The following PDZK1 variants were observed in gnomAD, a reference collection of about 807,000 sequenced individuals.
The protein encoded by PDZK1 is PDZ domain containing 1.
PDZK1 carries 23 observed loss-of-function variants against 38.1 expected under a neutral mutation model. The observed-to-expected ratio is 0.60, with a 90% CI of 0.43 to 0.85. PDZK1 has a LOEUF of 0.85. PDZK1 is among the 40% of genes least tolerant of loss of function. PDZK1 has a pLI of 0.00. For synonymous variants in PDZK1, 98 were observed against 186.2 expected (o/e 0.53, Z 3.86); for missense variants, 297 against 504.3 (o/e 0.59, Z 3.94).
chr1:145,692,320 C>T (rs916713929), intron 1 of PDZK1, among the ~76,000 whole-genome samples: 1 of 152,206 alleles, frequency 6.6e-6, no homozygotes, highest in African/African-American at 2.4e-5. Flanking sequence ...GCACCACCCT[C>T]ACCAACTCCT....
At chr1:145,690,164 CAG>C (rs1165275727) in intron 1 of PDZK1, among the ~76,000 whole-genome samples, 9 of 152,164 alleles carry the variant, frequency 5.9e-5, no homozygotes, top group Non-Finnish European at 1.3e-4. Flanking sequence ...ATGGCATCAC[CAG>C]AGTTGAGTCA....
In PDZK1 at chr1:145,684,207, C is replaced by CTT. The variant is rs1162290584; in HGVS notation, c.461-1573_461-1572dup. 2.3e-3 allele frequency among the ~76,000 whole-genome samples: 279 copies of CTT among 120,044 alleles called. 1 individual carries two copies. The highest frequency in any genetic ancestry group is 5.0e-3 in the Middle Eastern group (1 of 200). 78.8% of individuals were successfully genotyped at this position (120,044 alleles called of 152,430 possible). On this transcript the variant is annotated intron_variant, in intron 3 of 8. Coordinates refer to ENST00000417171, the MANE Select transcript of PDZK1 (RefSeq NM_001201325.2). ...AGCATCACTATCCTTGCATTTTTGG[C>CTT]TTTTTTTTTTTTTTTTTTTGAGACG...
chr1:145,676,207 A>G (rs141380762), intron 6 of PDZK1: 1,317 of 982,398 alleles, frequency 1.3e-3, no homozygotes, highest in Admixed American at 2.1e-3. Flanking sequence ...TTTTCGATCA[A>G]AGTTCTCTAT....
At chr1:145,705,399 A>T (rs1656190549) in intron 1 of PDZK1, among the ~76,000 whole-genome samples, 1 of 152,014 alleles carries the variant, frequency 6.6e-6, no homozygotes, top group South Asian at 2.1e-4. Context: ...CCCAAATGAG[A>T]TGATTTCTGA....
intron 3 of PDZK1, among the ~76,000 whole-genome samples, chr1:145,684,582 G>A (rs1364879316): frequency 6.6e-6 from 1 of 152,116 alleles, no homozygotes; most frequent in Non-Finnish European, 1.5e-5. Context: ...GATACCAAGA[G>A]CATATAATGA....
At position 145,673,690 on chromosome 1, in the gene PDZK1, C is replaced by T. The variant is rs373202412; in HGVS notation, c.1182G>A (p.Ala394=). The T allele has an allele frequency of 3.7e-6, 6 of 1,607,374 alleles. No homozygotes were observed. The Admixed American group carries it at 5.0e-5, about 13-fold the overall frequency. The stretch of plus-strand genomic sequence containing the variant: ...TGAATGAGCCTGGCAGACCCCGAAT[C>T]GCATTTAAGTGAAAGCCATAGCCAT... ...GENGYGFHLN[A]IRGLPGSFIK... The change falls in exon 7 of 9, where the codon GCG becomes GCA. Residue 394 remains alanine (A), a synonymous_variant. Coordinates refer to ENST00000417171, the MANE Select transcript of PDZK1 (RefSeq NM_001201325.2).
chr1:145,685,866 T>C (rs1328412247), intron 3 of PDZK1, among the ~76,000 whole-genome samples: 1 of 152,178 alleles, frequency 6.6e-6, no homozygotes, highest in Non-Finnish European at 1.5e-5. Flanking sequence ...AATCACTATG[T>C]ACCTCTTAGC....
At chr1:145,679,208 A>G (rs1654004322) in intron 5 of PDZK1, among the ~76,000 whole-genome samples, 1 of 145,924 alleles carries the variant, frequency 6.9e-6, no homozygotes, top group Non-Finnish European at 1.5e-5. Flanking sequence ...TCACTTTTCC[A>G]GCTAGCTGCT....
intron 3 of PDZK1, 96 bp downstream of exon 3, chr1:145,686,381 A>G (rs1654771271): frequency 3.3e-6 from 5 of 1,520,754 alleles, no homozygotes; most frequent in Non-Finnish European, 1.8e-6. Context: ...AAAGTCAGTC[A>G]AAGAAGAAAA....
rs1553700631 is a variant in PDZK1 at position 145,682,643 on chromosome 1, G to A, written c.461-7C>T. 4 of 1,612,012 alleles carry A rather than the reference G, an allele frequency of 2.5e-6. No homozygotes were observed. The highest frequency in any genetic ancestry group is 2.5e-6 in the Non-Finnish European group (3 of 1,179,830). On this transcript the variant is annotated splice_polypyrimidine_tract_variant and splice_region_variant and intron_variant, in intron 3 of 8. Coordinates refer to ENST00000417171, the MANE Select transcript of PDZK1 (RefSeq NM_001201325.2). ...ATGTACACCCCCTTTTTACCTGGAA[G>A]AGAGTAGGGGTAAACTCCATGTGGA...
chr1:145,698,895 C>T (rs1392319203), intron 1 of PDZK1, among the ~76,000 whole-genome samples: 3 of 151,810 alleles, frequency 2.0e-5, no homozygotes, highest in African/African-American at 7.3e-5. Context: ...GCCAAGATTG[C>T]ACCACTGCAC....
chr1:145,686,856 A>G (rs1553701878), intron 2 of PDZK1, 130 bp from the exon 3 acceptor site: 11 of 875,290 alleles, frequency 1.3e-5, no homozygotes, highest in Admixed American at 2.7e-5. Context: ...AAGTAGAAGC[A>G]GGTAGTTCCT....
rs1655394528 is a variant in PDZK1, at chr1:145,693,375, A to T, written c.-2-5352T>A. Among the ~76,000 whole-genome samples the T allele has an allele frequency of 1.3e-5, 2 of 152,180 alleles. 1 individual carries two copies. Among genetic ancestry groups the T allele is most frequent in the African/African-American group, 4.8e-5 (2 of 41,444 alleles). ...ATTCTCAATCCTAGCTGCCCCTCAG[A>T]ATCACCTGTAGAGATTTAGAAAAAT... On this transcript the variant is annotated intron_variant, in intron 1 of 8. Coordinates refer to ENST00000417171, the MANE Select transcript of PDZK1 (RefSeq NM_001201325.2).
chr1:145,671,262 C>T lies in PDZK1; in HGVS notation c.*174G>A, dbSNP rs1442634248. 64 of 1,188,380 alleles carry T rather than the reference C, an allele frequency of 5.4e-5. No individual in the cohort carries two copies. Among genetic ancestry groups the T allele is most frequent in the Non-Finnish European group, 7.0e-5 (62 of 886,134 alleles). The allele number at this position is 1,188,380 out of a possible 1,614,324, so 73.6% of individuals were successfully genotyped here. ...GCATAAATTAGCCGTCTGCAATAGC[C>T]GCCTGTAAGACAAATGATAACAGAA... On this transcript the variant is annotated 3_prime_UTR_variant, in exon 9 of 9. Coordinates refer to ENST00000417171, the MANE Select transcript of PDZK1 (RefSeq NM_001201325.2).
intron 1 of PDZK1, among the ~76,000 whole-genome samples, chr1:145,697,467 T>C (rs1655692239): frequency 6.6e-6 from 1 of 152,148 alleles, no homozygotes. Context: ...GATGGGATAG[T>C]TAACAATGCC....
chr1:145,681,259 C>T (rs1654221084), intron 4 of PDZK1, 152 bp from the exon 5 acceptor site: 4 of 486,452 alleles, frequency 8.2e-6, no homozygotes, highest in Non-Finnish European at 1.5e-5. Flanking sequence ...CTATGCCCTA[C>T]CAGCTAACTG....
chr1:145,703,653 C>A (rs1260297677), intron 1 of PDZK1, among the ~76,000 whole-genome samples: 3 of 151,926 alleles, frequency 2.0e-5, no homozygotes, highest in African/African-American at 7.3e-5. Flanking sequence ...GAAGTCATCC[C>A]AGGCAGAAGG....
At chr1:145,683,511 G>C (rs1654458777) in intron 3 of PDZK1, among the ~76,000 whole-genome samples, 1 of 152,184 alleles carries the variant, frequency 6.6e-6, no homozygotes, top group South Asian at 2.1e-4. Flanking sequence ...AGGCACAGGA[G>C]GGAGGGAAGA....
intron 2 of PDZK1, 114 bp from the exon 3 acceptor site, chr1:145,686,840 A>T (rs1488853358): frequency 1.3e-6 from 1 of 752,504 alleles, no homozygotes; most frequent in Non-Finnish European, 2.2e-6. Flanking sequence ...TTGACCCTTG[A>T]CACCCAAGTA....
Sources: allele counts gnomAD v4.1 joint callset (sites outside exome capture counted in the v4.1 genomes callset), GRCh38; gene constraint gnomAD v4.1.1; transcripts MANE v1.5; gene names NCBI Gene and HGNC (gene_info 2026-07-23, HGNC 2026-07-21).